The following PRKAA2 variants were observed in gnomAD, a reference collection of about 807,000 sequenced individuals.
PRKAA2 encodes protein kinase AMP-activated catalytic subunit alpha 2.
In PRKAA2, 40 loss-of-function variants were observed where a neutral mutation model predicts 56.3. The ratio of observed to expected loss-of-function variants is 0.71; its 90% CI spans 0.55 to 0.92. The LOEUF (loss-of-function observed/expected upper bound fraction) is 0.92, where lower values mean the gene tolerates loss of function less well. Ranked by LOEUF, PRKAA2 falls within the 40% of genes least tolerant of loss-of-function variation. The probability of loss-of-function intolerance (pLI) is 0.00; values close to 1 mark genes in which losing one functional copy is unlikely to be tolerated. For synonymous variants in PRKAA2, 214 were observed against 234.2 expected (o/e 0.91, Z 0.79); for missense variants, 542 against 686.9 (o/e 0.79, Z 2.36).
chr1:56,696,066 A>G lies in PRKAA2; in HGVS notation c.695A>G (p.Tyr232Cys), dbSNP rs1418880681. ...AAGAAGATCCGAGGGGGTGTCTTTT[A>G]TATCCCAGAATATCTCAATCGTTCT... ...LFKKIRGGVF[Y>C]IPEYLNRSVA... Residue 232 changes from tyrosine (Y) to cysteine (C), a missense_variant, in exon 6 of 9, where the codon TAT becomes TGT. Physicochemically the swap from Tyr to Cys is radical, Grantham distance 194 (BLOSUM62 -2). Around this residue, in one of 5 missense-constraint regions of PRKAA2, gnomAD observed 198 missense variants for 234.0 expected, o/e 0.85. Coordinates refer to ENST00000371244, the MANE Select transcript of PRKAA2 (RefSeq NM_006252.4). The G allele has an allele frequency of 2.5e-6, 4 of 1,613,202 alleles. No individual in the cohort carries two copies. In the South Asian group the frequency reaches 3.3e-5, roughly 13 times the overall value.
At chr1:56,656,697 C>A (rs573672292) in intron 1 of PRKAA2, among the ~76,000 whole-genome samples, 1 of 152,134 alleles carries the variant, frequency 6.6e-6, no homozygotes, top group African/African-American at 2.4e-5. Context: ...TCCACTGATA[C>A]GGGCTTCCCA....
At chr1:56,703,248 T>C (rs941233366) in intron 6 of PRKAA2, among the ~76,000 whole-genome samples, 1 of 152,228 alleles carries the variant, frequency 6.6e-6, no homozygotes, top group Non-Finnish European at 1.5e-5. Context: ...TTTTTTAAAA[T>C]GTAGGCTATT....
In PRKAA2 at chr1:56,701,144, T is replaced by C. The variant is rs76718098; in HGVS notation, c.789-2827T>C. Among the ~76,000 whole-genome samples, 1,106 of 152,300 alleles carry C rather than the reference T, an allele frequency of 7.3e-3. 11 individuals are homozygous for C. Among genetic ancestry groups the C allele is most frequent in the African/African-American group, 0.023 (939 of 41,550 alleles). On this transcript the variant is annotated intron_variant, in intron 6 of 8. Transcript: ENST00000371244. ...TTTATTGTTTTATGGAATAATAGAT[T>C]TTTTGAGTTTATTTTGAAAGTGCTT... is the stretch of plus-strand genomic sequence containing the variant.
chr1:56,649,943 A>T (rs1646673568), intron 1 of PRKAA2, among the ~76,000 whole-genome samples: 1 of 152,088 alleles, frequency 6.6e-6, no homozygotes, highest in African/African-American at 2.4e-5. Flanking sequence ...AAAAATACAA[A>T]AATTAGCCAG....
intron 1 of PRKAA2, among the ~76,000 whole-genome samples, chr1:56,648,555 C>G (rs914787446): frequency 1.2e-4 from 19 of 152,132 alleles, no homozygotes; most frequent in Non-Finnish European, 2.4e-4. Context: ...TTTCATACAC[C>G]TTGGGTAAAT....
At chr1:56,674,609 C>A in intron 2 of PRKAA2, 87 bp downstream of exon 2, 1 of 1,161,438 alleles carries the variant, frequency 8.6e-7, no homozygotes, top group South Asian at 2.0e-5. Flanking sequence ...TAATTGTTAA[C>A]CTTTTACAAA....
chr1:56,668,721 G>C (rs1043640759), intron 1 of PRKAA2, among the ~76,000 whole-genome samples: 1 of 152,048 alleles, frequency 6.6e-6, no homozygotes, highest in Non-Finnish European at 1.5e-5. Context: ...AATTACTATG[G>C]GATGATGTAC....
rs1484907246 is a variant in PRKAA2, at chr1:56,711,718, C to T, written c.*4005C>T. 1 of 152,136 alleles carries T rather than the reference C, an allele frequency of 6.6e-6. No homozygotes were observed. The highest frequency in any genetic ancestry group is 2.4e-5 in the African/African-American group (1 of 41,434). The allele number at this position is 152,136 out of a possible 1,614,324, so 9.4% of individuals were successfully genotyped here. ...ATATGTGCAATCTGTTGGTAAGTCACATCCTATGTTTGGCCTCATTTTTAT... is the reference window on the plus strand; with the variant it reads ...ATATGTGCAATCTGTTGGTAAGTCATATCCTATGTTTGGCCTCATTTTTAT... On this transcript the variant is annotated 3_prime_UTR_variant, in exon 9 of 9. Transcript: ENST00000371244.
At chr1:56,682,847 A>G in intron 2 of PRKAA2, among the ~76,000 whole-genome samples, 1 of 152,120 alleles carries the variant, frequency 6.6e-6, no homozygotes, top group East Asian at 1.9e-4. Context: ...AAAATGAAAA[A>G]TTTGGTTGTC....
intron 1 of PRKAA2, among the ~76,000 whole-genome samples, chr1:56,671,675 G>A (rs1172564455): frequency 2.0e-5 from 3 of 152,154 alleles, no homozygotes; most frequent in Non-Finnish European, 4.4e-5. Context: ...CTAAGTCATC[G>A]CATTACATGT....
At chr1:56,647,846 A>G (rs1386520638) in intron 1 of PRKAA2, among the ~76,000 whole-genome samples, 1 of 151,872 alleles carries the variant, frequency 6.6e-6, no homozygotes, top group African/African-American at 2.4e-5. Context: ...CCTGGCCAAC[A>G]TGGCGAAACC....
chr1:56,674,676 C>CT (rs11394634), intron 2 of PRKAA2, among the ~76,000 whole-genome samples, 154 bp downstream of exon 2: 149,666 of 151,852 alleles, frequency 0.99, 73,756 homozygotes, highest in East Asian at 1. Context: ...TTTATCAGTC[C>CT]TTTTTTTGCA....
At chr1:56,678,047 T>C (rs1557551944) in intron 2 of PRKAA2, among the ~76,000 whole-genome samples, 1 of 152,244 alleles carries the variant, frequency 6.6e-6, no homozygotes, top group East Asian at 1.9e-4. Context: ...TGTTTGACTG[T>C]CTCATCCTGA....
chr1:56,685,591 G>T (rs1301696219), intron 2 of PRKAA2, among the ~76,000 whole-genome samples: 1 of 152,118 alleles, frequency 6.6e-6, no homozygotes, highest in East Asian at 1.9e-4. Context: ...TATGCCTTTG[G>T]CTAGAGGTAC....
At chr1:56,683,891 G>T (rs1202638993) in intron 2 of PRKAA2, among the ~76,000 whole-genome samples, 1 of 152,080 alleles carries the variant, frequency 6.6e-6, no homozygotes, top group African/African-American at 2.4e-5. Flanking sequence ...TGTCTAAGAT[G>T]GGAAGCCATT....
chr1:56,695,896 T>A lies in PRKAA2; in HGVS notation c.564-39T>A, dbSNP rs77272361. On this transcript the variant is annotated intron_variant, in intron 5 of 8. Transcript: ENST00000371244. ...GTAGGGTACATAGAGAAAAAGTGATTCTTGCATTTCAGGTTTGTGTTGTCA... is the reference window on the plus strand; with the variant it reads ...GTAGGGTACATAGAGAAAAAGTGATACTTGCATTTCAGGTTTGTGTTGTCA... 7,460 of 1,549,324 alleles carry A rather than the reference T, an allele frequency of 4.8e-3. 319 individuals are homozygous for A. In the African/African-American group the frequency reaches 0.089, roughly 19 times the overall value.
At chr1:56,669,398 G>A (rs1644059214) in intron 1 of PRKAA2, among the ~76,000 whole-genome samples, 1 of 151,924 alleles carries the variant, frequency 6.6e-6, no homozygotes, top group East Asian at 1.9e-4. Context: ...GGCAGAGGTT[G>A]CAGTGAACTG....
At chr1:56,658,584 TC>T (rs1463986691) in intron 1 of PRKAA2, among the ~76,000 whole-genome samples, 1 of 112,742 alleles carries the variant, frequency 8.9e-6, no homozygotes, top group Non-Finnish European at 1.9e-5. Context: ...TTTTTTTTTT[TC>T]TTCCCCCCCC....
chr1:56,683,522 A>T (rs1216189778), intron 2 of PRKAA2, among the ~76,000 whole-genome samples: 1 of 152,182 alleles, frequency 6.6e-6, no homozygotes, highest in Non-Finnish European at 1.5e-5. Flanking sequence ...CATTCATTCA[A>T]CAGATGACAC....
Sources: allele counts gnomAD v4.1 joint callset (sites outside exome capture counted in the v4.1 genomes callset), GRCh38; gene constraint gnomAD v4.1.1; regional missense constraint gnomAD v4.1.1; transcripts MANE v1.5; gene names NCBI Gene and HGNC (gene_info 2026-07-23, HGNC 2026-07-21).